MAPKAP1: variants seen among roughly 807,000 people sequenced by gnomAD.
MAPKAP1 encodes the protein MAPK associated protein 1, also known as target of rapamycin complex 2 subunit MAPKAP1.
Under a neutral mutation model 65.7 loss-of-function variants are expected in MAPKAP1, and 20 were observed. That is an observed-to-expected ratio of 0.30 (90% CI 0.21 to 0.44). The LOEUF is 0.44. MAPKAP1 is among the 20% of genes least tolerant of loss of function. The pLI is 1.00. For missense variants in MAPKAP1, 423 were observed against 648.0 expected, an observed-to-expected ratio of 0.65 and a Z score of 3.77; for synonymous variants, 222 against 244.3, an observed-to-expected ratio of 0.91 and a Z score of 0.85.
chr9:125,651,744 T>C lies in MAPKAP1; in HGVS notation c.498+5907A>G, dbSNP rs528874629. 2.6e-5 allele frequency among the ~76,000 whole-genome samples: 4 copies of C among 152,208 alleles called. No homozygotes were observed. The South Asian group carries it at 6.2e-4, about 24-fold the overall frequency. ...AAGCAAAGCCCTGGAGAACTCTTAC[T>C]GAAAGGAGCAGTGGTGGACTTTCCG... On this transcript the variant is annotated intron_variant, in intron 4 of 11. Transcript: ENST00000265960.
At chr9:125,538,723 C>T (rs1385958309) in intron 7 of MAPKAP1, among the ~76,000 whole-genome samples, 2 of 152,154 alleles carry the variant, frequency 1.3e-5, no homozygotes, top group East Asian at 1.9e-4. Flanking sequence ...TCCCCAAACA[C>T]CCTATAGGAT....
chr9:125,647,603 C>G (rs1046295639), intron 4 of MAPKAP1, among the ~76,000 whole-genome samples: 1 of 152,196 alleles, frequency 6.6e-6, no homozygotes, highest in African/African-American at 2.4e-5. Context: ...TGTCATGGAC[C>G]ACTGTCACAG....
chr9:125,595,778 G>C lies in MAPKAP1; in HGVS notation c.499-10051C>G. On this transcript the variant is annotated intron_variant, in intron 4 of 11. Transcript: ENST00000265960. This position sits in a 1 kb window ranked among gnomAD's most constrained non-coding sequence, Gnocchi z 4.0. Reference sequence around the variant, plus strand: ...CAAGAGGAGCCATTGTGAGCAATGGGGAACGCTCCCAGACTGTGTGGTAAT... The same window carrying C: ...CAAGAGGAGCCATTGTGAGCAATGGCGAACGCTCCCAGACTGTGTGGTAAT... The C allele has an allele frequency of 8.2e-7, 1 of 1,216,396 alleles. No homozygotes were observed. Among genetic ancestry groups the C allele is most frequent in the Non-Finnish European group, 1.2e-6 (1 of 835,446 alleles). The allele number at this position is 1,216,396 out of a possible 1,614,324, so 75.4% of individuals were successfully genotyped here. A position where few individuals can be genotyped will look rare whatever the true frequency, so the allele number is the denominator to read the frequency against.
In MAPKAP1 at chr9:125,543,726, G is replaced by A. The variant is rs563790107; in HGVS notation, c.849-558C>T. 2.0e-5 allele frequency among the ~76,000 whole-genome samples: 3 copies of A among 152,260 alleles called. No individual in the cohort carries two copies. In the East Asian group the frequency reaches 5.8e-4, roughly 29 times the overall value. The stretch of plus-strand genomic sequence containing the variant: ...TCCATGTGAGAGAGGTCACGCTTAG[G>A]GAAGGTTCTTCTAATTTGTCCAAGT... On this transcript the variant is annotated intron_variant, in intron 6 of 11. Transcript: ENST00000265960.
In MAPKAP1 at chr9:125,693,680, T is replaced by C. The variant is rs868618146; in HGVS notation, c.-70+13291A>G. On this transcript the variant is annotated intron_variant, in intron 1 of 11. Transcript: ENST00000265960. ...ACATACACACACATATACACGTATA[T>C]ATACACGTATATATACACGTATATA... Among the ~76,000 whole-genome samples, 1,049 of 116,040 alleles carry C rather than the reference T, an allele frequency of 9.0e-3. 29 individuals carry two copies. The highest frequency in any genetic ancestry group is 0.047 in the African/African-American group (908 of 19,492). The allele number at this position is 116,040 out of a possible 152,430, so 76.1% of individuals were successfully genotyped here.
intron 1 of MAPKAP1, among the ~76,000 whole-genome samples, chr9:125,679,250 C>T (rs1588067184): frequency 6.6e-6 from 1 of 152,210 alleles, no homozygotes; most frequent in East Asian, 1.9e-4. Context: ...GATCCCCCCA[C>T]CTCGGCCTCC....
At chr9:125,683,746 T>A (rs1020573519) in intron 1 of MAPKAP1, among the ~76,000 whole-genome samples, 3 of 152,202 alleles carry the variant, frequency 2.0e-5, no homozygotes, top group Non-Finnish European at 4.4e-5. Flanking sequence ...TAAATTCATA[T>A]CGTTTTAAGC....
chr9:125,581,438 T>C (rs1488190828), intron 5 of MAPKAP1, among the ~76,000 whole-genome samples: 1 of 152,262 alleles, frequency 6.6e-6, no homozygotes, highest in Admixed American at 6.5e-5. Context: ...ATGGCTAATG[T>C]TGCTGAGCAT....
At chr9:125,615,862 C>G (rs886738529) in intron 4 of MAPKAP1, among the ~76,000 whole-genome samples, 1 of 150,002 alleles carries the variant, frequency 6.7e-6, no homozygotes, top group Admixed American at 6.7e-5. Context: ...TGCAGTGAGC[C>G]AAGATCACGC....
chr9:125,495,037 T>C (rs1854888638), intron 8 of MAPKAP1, among the ~76,000 whole-genome samples: 1 of 152,238 alleles, frequency 6.6e-6, no homozygotes, highest in Non-Finnish European at 1.5e-5. Flanking sequence ...TGGTTCATTA[T>C]GGGTTTGCTT....
chr9:125,537,146 G>T (rs1367997595), intron 7 of MAPKAP1, among the ~76,000 whole-genome samples: 1 of 152,116 alleles, frequency 6.6e-6, no homozygotes, highest in Non-Finnish European at 1.5e-5. Context: ...AAAAAGCCTG[G>T]GCTCCAATTT....
chr9:125,501,246 T>C (rs1828972208), intron 8 of MAPKAP1, among the ~76,000 whole-genome samples: 1 of 152,242 alleles, frequency 6.6e-6, no homozygotes, highest in East Asian at 1.9e-4. Flanking sequence ...TATTAACATT[T>C]TCTTTCCAGT....
intron 4 of MAPKAP1, among the ~76,000 whole-genome samples, chr9:125,603,530 G>GCA (rs1375101415): frequency 6.6e-6 from 1 of 152,158 alleles, no homozygotes; most frequent in Non-Finnish European, 1.5e-5. Context: ...CTGTTCACTT[G>GCA]CAGAAACTGA....
chr9:125,524,053 T>A (rs865967276), intron 7 of MAPKAP1, among the ~76,000 whole-genome samples: 23 of 152,260 alleles, frequency 1.5e-4, no homozygotes, highest in African/African-American at 4.3e-4. Context: ...TTATTTATTT[T>A]TTATTTTTTT....
intron 8 of MAPKAP1, among the ~76,000 whole-genome samples, chr9:125,500,970 A>C (rs764738407): frequency 3.9e-5 from 6 of 152,206 alleles, no homozygotes; most frequent in Non-Finnish European, 8.8e-5. Context: ...TAAGCAAGTC[A>C]CATAGGAGTG....
At chr9:125,616,213 A>G (rs538322156) in intron 4 of MAPKAP1, among the ~76,000 whole-genome samples, 4 of 152,310 alleles carry the variant, frequency 2.6e-5, no homozygotes, top group African/African-American at 9.6e-5. Flanking sequence ...CCTCACTACC[A>G]CACATGCAAA....
chr9:125,608,515 G>A (rs747037631), intron 4 of MAPKAP1, among the ~76,000 whole-genome samples: 1 of 152,150 alleles, frequency 6.6e-6, no homozygotes. Context: ...TGGGGCCGCC[G>A]CTGTGGCACC....
intron 5 of MAPKAP1, among the ~76,000 whole-genome samples, chr9:125,563,312 A>G (rs977369874): frequency 9.2e-5 from 14 of 152,224 alleles, no homozygotes; most frequent in African/African-American, 3.4e-4. Flanking sequence ...ACTTCCCATG[A>G]CACAGCTTGG....
chr9:125,648,460 T>A (rs886682576), intron 4 of MAPKAP1, among the ~76,000 whole-genome samples: 3 of 152,182 alleles, frequency 2.0e-5, no homozygotes, highest in African/African-American at 7.2e-5. Context: ...CTAAGCCACA[T>A]TCCTGATTCT....
Sources: allele counts gnomAD v4.1 joint callset (sites outside exome capture counted in the v4.1 genomes callset), GRCh38; gene constraint gnomAD v4.1.1; non-coding constraint Gnocchi (gnomAD v3.1); transcripts MANE v1.5; gene names NCBI Gene and HGNC (gene_info 2026-07-23, HGNC 2026-07-21).